The following LMX1A variants were observed in gnomAD, a reference collection of about 807,000 sequenced individuals.
The protein encoded by LMX1A is LIM homeobox transcription factor 1 alpha.
In LMX1A, 15 loss-of-function variants were observed where a neutral mutation model predicts 49.1. The ratio of observed to expected loss-of-function variants is 0.31; its 90% CI spans 0.20 to 0.47. The LOEUF is 0.47. Ranked by LOEUF, LMX1A falls within the 20% of genes least tolerant of loss-of-function variation. The pLI is 1.00. For missense variants in LMX1A, 372 were observed against 475.8 expected, an observed-to-expected ratio of 0.78 and a Z score of 2.03; for synonymous variants, 167 against 185.7, an observed-to-expected ratio of 0.90 and a Z score of 0.82.
intron 3 of LMX1A, among the ~76,000 whole-genome samples, chr1:165,334,602 T>A (rs1313100645): frequency 1.3e-5 from 2 of 152,146 alleles, no homozygotes; most frequent in African/African-American, 4.8e-5. Context: ...TAAACATACA[T>A]AATCACATGA....
intron 3 of LMX1A, among the ~76,000 whole-genome samples, chr1:165,262,160 C>T (rs1653461072): frequency 6.6e-6 from 1 of 152,116 alleles, no homozygotes; most frequent in Admixed American, 6.5e-5. Flanking sequence ...AAACTCTCAC[C>T]AGCCTCCCTT....
At chr1:165,272,518 T>C (rs756185287) in intron 3 of LMX1A, among the ~76,000 whole-genome samples, 2 of 152,100 alleles carry the variant, frequency 1.3e-5, no homozygotes, top group Non-Finnish European at 2.9e-5. Context: ...TCCAAACAAG[T>C]GCACATTCCA....
intron 4 of LMX1A, among the ~76,000 whole-genome samples, chr1:165,239,087 C>A (rs1652554745): frequency 1.2e-5 from 1 of 82,638 alleles, no homozygotes; most frequent in South Asian, 3.8e-4. Context: ...ATGATGTGAT[C>A]ATTTTCCCAT....
chr1:165,231,707 AGTT>A (rs1159541168), intron 4 of LMX1A, among the ~76,000 whole-genome samples: 2 of 152,172 alleles, frequency 1.3e-5, no homozygotes, highest in Non-Finnish European at 2.9e-5. Context: ...GCAAAATTAT[AGTT>A]GTTGTTATTT....
intron 4 of LMX1A, among the ~76,000 whole-genome samples, chr1:165,239,704 G>A (rs1343551): frequency 1 from 152,109 of 152,354 alleles, 75,932 homozygotes; most frequent in Middle Eastern, 1. Flanking sequence ...AATAAATCGG[G>A]AAATGTTCAT....
chr1:165,313,465 T>A (rs1463983957), intron 3 of LMX1A, among the ~76,000 whole-genome samples: 1 of 143,386 alleles, frequency 7.0e-6, no homozygotes, highest in Non-Finnish European at 1.5e-5. Context: ...CACACACACC[T>A]TCTTCCTTTT....
At chr1:165,341,014 C>G (rs920997107) in intron 3 of LMX1A, among the ~76,000 whole-genome samples, 14 of 152,168 alleles carry the variant, frequency 9.2e-5, no homozygotes, top group African/African-American at 3.4e-4. Context: ...TCTAAGTGGT[C>G]TCTGCCAGTC....
chr1:165,280,003 G>C (rs1168965321), intron 3 of LMX1A, among the ~76,000 whole-genome samples: 1 of 152,106 alleles, frequency 6.6e-6, no homozygotes, highest in Non-Finnish European at 1.5e-5. Flanking sequence ...CCTACGGAGA[G>C]AGAAAAATTG....
At chr1:165,267,781 G>T (rs1557868500) in intron 3 of LMX1A, among the ~76,000 whole-genome samples, 1 of 152,182 alleles carries the variant, frequency 6.6e-6, no homozygotes, top group Non-Finnish European at 1.5e-5. Context: ...CAGATCAAGT[G>T]AGATGATGAC....
chr1:165,334,894 T>C (rs1655855515), intron 3 of LMX1A, among the ~76,000 whole-genome samples: 1 of 147,124 alleles, frequency 6.8e-6, no homozygotes, highest in Non-Finnish European at 1.5e-5. Flanking sequence ...GCAGTCAGTC[T>C]CAGGAGGTCT....
chr1:165,348,543 G>A (rs1360925295), intron 3 of LMX1A, among the ~76,000 whole-genome samples: 1 of 152,176 alleles, frequency 6.6e-6, no homozygotes, highest in African/African-American at 2.4e-5. Flanking sequence ...GCCTAGCTGT[G>A]TTTGATTTTT....
At chr1:165,219,220 C>T (rs1651748376) in intron 4 of LMX1A, 1 of 152,152 alleles carries the variant, frequency 6.6e-6, no homozygotes, top group African/African-American at 2.4e-5. Flanking sequence ...CCTGTGGGGC[C>T]TCGGAGATTC....
At chr1:165,228,764 T>C (rs1652134798) in intron 4 of LMX1A, among the ~76,000 whole-genome samples, 1 of 152,140 alleles carries the variant, frequency 6.6e-6, no homozygotes, top group Non-Finnish European at 1.5e-5. Context: ...CATTGGAAAT[T>C]AGTACTAAAG....
chr1:165,316,312 G>T (rs1248798541), intron 3 of LMX1A, among the ~76,000 whole-genome samples: 2 of 152,242 alleles, frequency 1.3e-5, no homozygotes, highest in Non-Finnish European at 2.9e-5. Flanking sequence ...ACCACGGGGA[G>T]ATGGGGAGGG....
intron 3 of LMX1A, among the ~76,000 whole-genome samples, chr1:165,276,426 A>C (rs1369481211): frequency 1.3e-5 from 2 of 152,204 alleles, no homozygotes; most frequent in Non-Finnish European, 2.9e-5. Flanking sequence ...CTCAGGCAGA[A>C]ACATGTAGCT....
intron 3 of LMX1A, among the ~76,000 whole-genome samples, chr1:165,278,902 G>A (rs367754812): frequency 1.3e-5 from 2 of 152,164 alleles, no homozygotes; most frequent in African/African-American, 4.8e-5. Flanking sequence ...GCAGGACCCC[G>A]CAAGGGCCAT....
chr1:165,232,074 A>G (rs1652260313), intron 4 of LMX1A, among the ~76,000 whole-genome samples: 1 of 152,116 alleles, frequency 6.6e-6, no homozygotes, highest in South Asian at 2.1e-4. Flanking sequence ...ACCCAAGGTC[A>G]AAAAAAGTGA....
intron 3 of LMX1A, among the ~76,000 whole-genome samples, chr1:165,251,327 C>A (rs1458293081): frequency 6.6e-6 from 1 of 152,188 alleles, no homozygotes; most frequent in Non-Finnish European, 1.5e-5. Flanking sequence ...AAGTGATCCT[C>A]CCACCTCGGC....
chr1:165,275,000 T>A (rs145502680), intron 3 of LMX1A, among the ~76,000 whole-genome samples: 57 of 152,382 alleles, frequency 3.7e-4, no homozygotes, highest in African/African-American at 1.3e-3. Flanking sequence ...ATATGAGTTC[T>A]AGCATGATTT....
Sources: allele counts gnomAD v4.1 joint callset (sites outside exome capture counted in the v4.1 genomes callset), GRCh38; gene constraint gnomAD v4.1.1; transcripts MANE v1.5; gene names NCBI Gene and HGNC (gene_info 2026-07-23, HGNC 2026-07-21).